EXOC4: variants seen among roughly 807,000 people sequenced by gnomAD.
EXOC4 encodes exocyst complex component 4, also known as SEC8-like 1.
EXOC4 carries 71 observed loss-of-function variants against 107.2 expected under a neutral mutation model. That is an observed-to-expected ratio of 0.66 (90% confidence interval 0.55 to 0.81). The LOEUF (loss-of-function observed/expected upper bound fraction) is 0.81. Ranked by LOEUF, EXOC4 falls within the 30% of genes least tolerant of loss-of-function variation. The probability of loss-of-function intolerance (pLI) is 0.00; values close to 1 mark genes in which losing one functional copy is unlikely to be tolerated. For synonymous variants in EXOC4, 456 were observed against 441.2 expected (o/e 1.03, Z -0.42); for missense variants, 1,108 against 1,189.6 (o/e 0.93, Z 1.01).
At chr7:133,514,739 A>G (rs1799840753) in intron 9 of EXOC4, among the ~76,000 whole-genome samples, 1 of 152,154 alleles carries the variant, frequency 6.6e-6, no homozygotes, top group Non-Finnish European at 1.5e-5. Flanking sequence ...ACATTTTTTG[A>G]GTTGATTACA....
chr7:133,371,502 C>T (rs983429047), intron 6 of EXOC4, among the ~76,000 whole-genome samples: 1 of 152,014 alleles, frequency 6.6e-6, no homozygotes, highest in African/African-American at 2.4e-5. Flanking sequence ...ATATGGTCTT[C>T]TGTGACCTTT....
intron 9 of EXOC4, among the ~76,000 whole-genome samples, chr7:133,520,295 A>G (rs1169730590): frequency 6.6e-6 from 1 of 152,120 alleles, no homozygotes; most frequent in Non-Finnish European, 1.5e-5. Flanking sequence ...CTGTTTTTGT[A>G]TCAGTCTCAC....
At chr7:133,336,387 A>G (rs1563023963) in intron 5 of EXOC4, among the ~76,000 whole-genome samples, 8 of 152,108 alleles carry the variant, frequency 5.3e-5, no homozygotes, top group African/African-American at 2.4e-5. Flanking sequence ...GTCTATGCTC[A>G]TATATAGTTT....
chr7:133,549,496 TGTATG>T (rs1800546621), intron 9 of EXOC4, among the ~76,000 whole-genome samples: 1 of 152,096 alleles, frequency 6.6e-6, no homozygotes. Flanking sequence ...TTTGCAGTCT[TGTATG>T]AGTGTGGTTC....
intron 10 of EXOC4, among the ~76,000 whole-genome samples, chr7:133,804,191 A>G (rs937172127): frequency 1.3e-5 from 2 of 152,194 alleles, no homozygotes; most frequent in Non-Finnish European, 2.9e-5. Context: ...CTGTTCAGGC[A>G]AAGTGTAGAT....
In EXOC4 at chr7:133,678,182, A is replaced by G. The variant is rs576130556; in HGVS notation, c.1514+48041A>G. ...GTTAGATTTAATCCCACATGTAACA[A>G]ATTTGCTGGGCCATTTTGCAGCACC... On this transcript the variant is annotated intron_variant, in intron 10 of 17. Coordinates refer to ENST00000253861, the MANE Select transcript of EXOC4 (RefSeq NM_021807.4). Among the ~76,000 whole-genome samples, 46 of 152,318 alleles carry G rather than the reference A, an allele frequency of 3.0e-4. 1 individual carries two copies. Among genetic ancestry groups the G allele is most frequent in the Non-Finnish European group, 5.7e-4 (39 of 68,020 alleles).
intron 9 of EXOC4, among the ~76,000 whole-genome samples, chr7:133,515,415 G>A (rs1007505930): frequency 2.6e-5 from 4 of 151,810 alleles, no homozygotes; most frequent in African/African-American, 9.7e-5. Flanking sequence ...ATATACACGT[G>A]TATATATGTA....
chr7:133,899,181 T>A (rs1799393762), intron 12 of EXOC4, among the ~76,000 whole-genome samples: 1 of 152,158 alleles, frequency 6.6e-6, no homozygotes, highest in Non-Finnish European at 1.5e-5. Context: ...AATAATAATG[T>A]TGATAAATAG....
chr7:133,802,566 A>AT (rs1796970161), intron 10 of EXOC4, among the ~76,000 whole-genome samples: 1 of 152,132 alleles, frequency 6.6e-6, no homozygotes, highest in Non-Finnish European at 1.5e-5. Flanking sequence ...GCTGCTCCAT[A>AT]TTTTTTAATA....
At chr7:133,477,234 C>T (rs1264550640) in intron 8 of EXOC4, among the ~76,000 whole-genome samples, 1 of 152,156 alleles carries the variant, frequency 6.6e-6, no homozygotes, top group Non-Finnish European at 1.5e-5. Context: ...TGGGTTTTGA[C>T]AAGGCATAAG....
intron 14 of EXOC4, among the ~76,000 whole-genome samples, chr7:133,967,265 A>C (rs1801093016): frequency 7.2e-6 from 1 of 139,632 alleles, no homozygotes; most frequent in African/African-American, 2.7e-5. Flanking sequence ...TTCTTAAAAA[A>C]CCAGCTCCTG....
chr7:133,954,104 C>G (rs1277792713), intron 14 of EXOC4, among the ~76,000 whole-genome samples: 1 of 152,198 alleles, frequency 6.6e-6, no homozygotes, highest in East Asian at 1.9e-4. Flanking sequence ...ACTAAACTTA[C>G]CTTCCCCAAA....
At chr7:133,526,591 C>T (rs961625432) in intron 9 of EXOC4, among the ~76,000 whole-genome samples, 4 of 152,156 alleles carry the variant, frequency 2.6e-5, no homozygotes, top group Non-Finnish European at 5.9e-5. Context: ...CACATAGATT[C>T]GCAAAGGCAT....
intron 9 of EXOC4, among the ~76,000 whole-genome samples, chr7:133,498,631 A>G (rs1799523063): frequency 6.6e-6 from 1 of 152,160 alleles, no homozygotes; most frequent in African/African-American, 2.4e-5. Context: ...CCTTGCTTCT[A>G]CCCAGGTTCT....
intron 5 of EXOC4, among the ~76,000 whole-genome samples, chr7:133,321,186 C>G (rs1584808872): frequency 3.8e-5 from 5 of 130,974 alleles, no homozygotes; most frequent in Admixed American, 2.8e-4. Context: ...TGAGAACTTT[C>G]AGGTTATTTT....
intron 9 of EXOC4, among the ~76,000 whole-genome samples, chr7:133,485,881 A>G (rs1447399530): frequency 6.6e-6 from 1 of 152,106 alleles, no homozygotes; most frequent in East Asian, 1.9e-4. Context: ...GGATAATAAA[A>G]CTCATGAATG....
chr7:133,508,646 A>G (rs964091941), intron 9 of EXOC4, among the ~76,000 whole-genome samples: 9 of 152,232 alleles, frequency 5.9e-5, no homozygotes, highest in Admixed American at 3.9e-4. Flanking sequence ...ATCAAAGGAC[A>G]TAAAACCTGT....
intron 9 of EXOC4, among the ~76,000 whole-genome samples, chr7:133,523,766 A>G (rs2150913034): frequency 6.6e-6 from 1 of 152,312 alleles, no homozygotes; most frequent in South Asian, 2.1e-4. Context: ...TACAAAGGAC[A>G]TGAACTCATC....
intron 9 of EXOC4, chr7:133,576,880 G>A: frequency 7.8e-7 from 1 of 1,288,890 alleles, no homozygotes; most frequent in Non-Finnish European, 1.0e-6. Flanking sequence ...CGGGTAATGT[G>A]TTTTAAGATT....
Sources: allele counts gnomAD v4.1 joint callset (sites outside exome capture counted in the v4.1 genomes callset), GRCh38; gene constraint gnomAD v4.1.1; transcripts MANE v1.5; gene names NCBI Gene and HGNC (gene_info 2026-07-23, HGNC 2026-07-21).